Variants in PATJ observed in about 807,000 individuals in gnomAD.
PATJ encodes the protein inaD-like protein.
Under a neutral mutation model 224.9 loss-of-function variants are expected in PATJ, and 190 were observed. That is an observed-to-expected ratio of 0.84 (90% CI 0.75 to 0.95). PATJ has a LOEUF of 0.95. Ranked by LOEUF, PATJ falls within the 40% of genes least tolerant of loss-of-function variation. The pLI is 0.00. For synonymous variants in PATJ, 769 were observed against 820.3 expected, an observed-to-expected ratio of 0.94 and a Z score of 1.07; for missense variants, 2,121 against 2,270.3, an observed-to-expected ratio of 0.93 and a Z score of 1.34.
intron 33 of PATJ, among the ~76,000 whole-genome samples, chr1:62,099,347 C>CTTTTTTTTTTTT (rs71050197): frequency 2.2e-4 from 12 of 55,676 alleles, no homozygotes; most frequent in East Asian, 1.2e-3. Flanking sequence ...ATATCTCCAA[C>CTTTTTTTTTTTT]TTTTTTTTTT....
chr1:62,054,751 A>AT (rs1171726234), intron 31 of PATJ, among the ~76,000 whole-genome samples: 1 of 152,132 alleles, frequency 6.6e-6, no homozygotes, highest in Non-Finnish European at 1.5e-5. Flanking sequence ...CATTGGCTTA[A>AT]TTTTTTTAAT....
chr1:62,062,392 C>CTTTTTTTTTTTTTTTTTATTTTTTTTTT (rs1655645056), intron 31 of PATJ, among the ~76,000 whole-genome samples: 1 of 28,458 alleles, frequency 3.5e-5, no homozygotes, highest in Non-Finnish European at 5.9e-5. Context: ...ATGTTGTCTT[C>CTTTTTTTTTTTTTTTTTATTTTTTTTTT]TTTTTTTTTT....
chr1:61,855,287 A>C (rs1663474242), intron 17 of PATJ, among the ~76,000 whole-genome samples: 1 of 152,234 alleles, frequency 6.6e-6, no homozygotes, highest in African/African-American at 2.4e-5. Context: ...CCAGCCAAAT[A>C]TCAATCACCA....
intron 10 of PATJ, among the ~76,000 whole-genome samples, chr1:61,796,690 CT>C (rs767765570): frequency 2.6e-3 from 84 of 32,172 alleles, no homozygotes; most frequent in African/African-American, 5.5e-3. Context: ...TTCTTTCTTT[CT>C]TTCTTTCTTT....
chr1:61,781,628 A>G (rs1175394302), intron 7 of PATJ, among the ~76,000 whole-genome samples: 2 of 152,214 alleles, frequency 1.3e-5, no homozygotes, highest in African/African-American at 4.8e-5. Context: ...TGTGAGCTTT[A>G]GAATCAGACA....
At chr1:61,777,703 C>CTTTCTTTTTTTTTTTTTTTTTTTTTTTTT (rs1415203243) in intron 7 of PATJ, among the ~76,000 whole-genome samples, 3 of 48,746 alleles carry the variant, frequency 6.2e-5, no homozygotes, top group African/African-American at 2.1e-4. Flanking sequence ...TTCTTTCTTT[C>CTTTCTTTTTTTTTTTTTTTTTTTTTTTTT]TTTTTTTTTT....
At chr1:62,016,701 A>G (rs1457621532) in intron 28 of PATJ, among the ~76,000 whole-genome samples, 1 of 152,190 alleles carries the variant, frequency 6.6e-6, no homozygotes, top group Non-Finnish European at 1.5e-5. Flanking sequence ...AAATTCTACC[A>G]TGTCTTGGAT....
rs539742679 is a variant in PATJ, at chr1:62,009,842, T to C, written c.3868-8014T>C. ...GCTCACGCCTGTAATCCCAGCACTT[T>C]GGGAGGCCGAGGTGGGCGGATCACA... On this transcript the variant is annotated intron_variant, in intron 28 of 43. Transcript: ENST00000642238. Among the ~76,000 whole-genome samples, 220 of 152,030 alleles carry C rather than the reference T, an allele frequency of 1.4e-3. 1 individual carries two copies. The highest frequency in any genetic ancestry group is 5.3e-3 in the African/African-American group (218 of 41,504).
Position 61,861,650 on chromosome 1 carries a change from A to G in PATJ, c.2422A>G (p.Ile808Val). The change falls in exon 19 of 44, where the codon ATA becomes GTA. Residue 808 changes from isoleucine (I) to valine (V), a missense_variant. Physicochemically the swap from Ile to Val is conservative, Grantham distance 29. Transcript: ENST00000642238. ...GTIHDINSSL[I>V]LEAPKGFRDE... ...AATTCATGATATAAATTCATCTTTA[A>G]TACTCGAAGCACCCAAGGTATTTAA... is the stretch of plus-strand genomic sequence containing the variant. The G allele has an allele frequency of 7.0e-7, 1 of 1,420,388 alleles. No homozygotes were observed. The highest frequency in any genetic ancestry group is 1.4e-5 in the South Asian group (1 of 70,418). The allele number at this position is 1,420,388 out of a possible 1,614,324, so 88.0% of individuals were successfully genotyped here. A position where few individuals can be genotyped will look rare whatever the true frequency, so the allele number is the denominator to read the frequency against.
At chr1:61,984,163 TA>T (rs1417356369) in intron 27 of PATJ, among the ~76,000 whole-genome samples, 2,111 of 127,320 alleles carry the variant, frequency 0.017, 48 homozygotes, top group African/African-American at 0.052. Context: ...TTATTATTAT[TA>T]TTTTTTTTTT....
intron 15 of PATJ, among the ~76,000 whole-genome samples, chr1:61,826,075 C>A (rs1238565911): frequency 6.6e-6 from 1 of 152,208 alleles, no homozygotes; most frequent in Non-Finnish European, 1.5e-5. Context: ...CTTCATTTGT[C>A]ATGAAGACTT....
chr1:61,870,240 G>T (rs553124136), intron 20 of PATJ, among the ~76,000 whole-genome samples: 49 of 152,304 alleles, frequency 3.2e-4, no homozygotes, highest in African/African-American at 1.2e-3. Context: ...AGGAGATGGG[G>T]AGGTGGGTAG....
intron 27 of PATJ, among the ~76,000 whole-genome samples, chr1:61,928,172 A>C (rs1034338288): frequency 6.6e-6 from 1 of 152,188 alleles, no homozygotes; most frequent in Non-Finnish European, 1.5e-5. Flanking sequence ...TCAGTTGTTG[A>C]TTACTTGCCT....
intron 30 of PATJ, among the ~76,000 whole-genome samples, chr1:62,040,370 A>G (rs1570268437): frequency 6.6e-6 from 1 of 151,982 alleles, no homozygotes; most frequent in African/African-American, 2.4e-5. Context: ...GGGCCTCCCA[A>G]AAGTGCTGGG....
intron 33 of PATJ, among the ~76,000 whole-genome samples, chr1:62,087,285 G>C (rs1042537302): frequency 1.3e-5 from 2 of 151,940 alleles, no homozygotes; most frequent in African/African-American, 4.8e-5. Context: ...CTCCTCCAAA[G>C]TCCAGCCATC....
At chr1:61,948,064 A>G (rs985120650) in intron 27 of PATJ, among the ~76,000 whole-genome samples, 4 of 152,222 alleles carry the variant, frequency 2.6e-5, no homozygotes, top group Non-Finnish European at 4.4e-5. Flanking sequence ...AAATTAATTC[A>G]AGTTGGATTA....
intron 15 of PATJ, among the ~76,000 whole-genome samples, chr1:61,826,268 C>T (rs1460515710): frequency 1.3e-5 from 2 of 152,012 alleles, no homozygotes; most frequent in African/African-American, 2.4e-5. Context: ...TGAAGGTTTC[C>T]AGCAACCCAG....
chr1:61,915,475 T>A (rs1379187965), intron 26 of PATJ, among the ~76,000 whole-genome samples: 1 of 152,092 alleles, frequency 6.6e-6, no homozygotes, highest in Non-Finnish European at 1.5e-5. Flanking sequence ...GTCTTAACTA[T>A]TTATATCATT....
intron 8 of PATJ, among the ~76,000 whole-genome samples, chr1:61,788,941 T>C (rs916148919): frequency 4.9e-5 from 7 of 142,228 alleles, no homozygotes; most frequent in Non-Finnish European, 1.1e-4. Context: ...CCCAAAGTGC[T>C]AGGATTACAG....
Sources: gnomAD v4.1 joint callset for allele counts (sites outside exome capture counted in the v4.1 genomes callset) on GRCh38, gnomAD v4.1.1 for gene constraint, MANE v1.5 for transcripts, NCBI Gene and HGNC (gene_info 2026-07-23, HGNC 2026-07-21) for gene names.